OSBPL5: variants seen among roughly 807,000 people sequenced by gnomAD.
OSBPL5 encodes oxysterol binding protein like 5, also known as oxysterol-binding protein-related protein 5.
A neutral mutation model predicts 111.2 loss-of-function variants in OSBPL5; 71 were observed. The ratio of observed to expected loss-of-function variants is 0.64; its 90% CI spans 0.53 to 0.78. The LOEUF (loss-of-function observed/expected upper bound fraction) is 0.78, where lower values mean the gene tolerates loss of function less well. Among genes scored for constraint, OSBPL5 ranks in the 30% least tolerant of loss-of-function variants. OSBPL5 has a pLI of 0.00. For synonymous variants in OSBPL5, 549 were observed against 513.9 expected, an observed-to-expected ratio of 1.07 and a Z score of -0.93; for missense variants, 1,210 against 1,189.3, an observed-to-expected ratio of 1.02 and a Z score of -0.26.
Position 3,092,381 on chromosome 11 carries a change from G to T in OSBPL5, c.2259+51C>A. On this transcript the variant is annotated intron_variant, in intron 19 of 21. Transcript: ENST00000263650. The surrounding 1 kb of genome is among the most constrained non-coding windows in gnomAD (Gnocchi z 5.4). ...AGGTGAGGAGCGAGGGGTGGTGGTG[G>T]CCACACGTGCAGCTAAGACCAGCCC... 6.6e-7 allele frequency: 1 copy of T among 1,515,712 alleles called. No homozygotes were observed. The highest frequency in any genetic ancestry group is 8.9e-7 in the Non-Finnish European group (1 of 1,126,648). The allele number at this position is 1,515,712 out of a possible 1,614,324, so 93.9% of individuals were successfully genotyped here.
At chr11:3,158,014 G>T (rs1475683633) in intron 1 of OSBPL5, among the ~76,000 whole-genome samples, 1 of 152,212 alleles carries the variant, frequency 6.6e-6, no homozygotes, top group Non-Finnish European at 1.5e-5. Flanking sequence ...TGGCTGCCGG[G>T]CTGGGGAGAA....
chr11:3,122,866 C>T (rs553426928), intron 3 of OSBPL5, among the ~76,000 whole-genome samples: 76 of 152,268 alleles, frequency 5.0e-4, no homozygotes, highest in African/African-American at 1.5e-3. Flanking sequence ...AAGAGGAGCT[C>T]GGCGGCGGCC....
chr11:3,114,591 A>ACTT (rs774192603), intron 7 of OSBPL5, among the ~76,000 whole-genome samples: 50,269 of 113,622 alleles, frequency 0.44, 17,377 homozygotes, highest in Admixed American at 0.49. Context: ...TAGAACAATG[A>ACTT]TTTTTTTTTT....
rs1857514780 is a variant in OSBPL5 at position 3,103,114 on chromosome 11, A to AAGCCTTAGAAGGGGG, written c.1326+124_1326+125insCCCCCTTCTAAGGCT. 3 of 775,836 alleles carry AAGCCTTAGAAGGGGG rather than the reference A, an allele frequency of 3.9e-6. No homozygotes were observed. In the Admixed American group the frequency reaches 9.3e-5, roughly 24 times the overall value. 48.1% of individuals were successfully genotyped at this position (775,836 alleles called of 1,614,324 possible). On this transcript the variant is annotated intron_variant, in intron 11 of 21. Coordinates refer to ENST00000263650, the MANE Select transcript of OSBPL5 (RefSeq NM_020896.4). The stretch of plus-strand genomic sequence containing the variant: ...ACCTGGGCCCTCTGTGGGGGTGACC[A>AAGCCTTAGAAGGGGG]GGATCCTTCTAAGCCATGTGGGGTA...
Position 3,141,485 on chromosome 11 carries a change from A to T in OSBPL5, c.-21-12316T>A, listed in dbSNP as rs1846113453. Among the ~76,000 whole-genome samples the T allele has an allele frequency of 6.6e-6, 1 of 152,128 alleles. No individual in the cohort carries two copies. The highest frequency in any genetic ancestry group is 6.6e-5 in the Admixed American group (1 of 15,264). On this transcript the variant is annotated intron_variant, in intron 1 of 21. Transcript: ENST00000263650. The surrounding 1 kb of genome is among the most constrained non-coding windows in gnomAD (Gnocchi z 6.5). ...CTCTCAGGAAATGGGGGGGGTCTCA[A>T]ACAGAAGGACCCCCAATCTGTCTTC...
intron 1 of OSBPL5, among the ~76,000 whole-genome samples, chr11:3,158,668 C>T (rs980033004): frequency 2.0e-5 from 3 of 152,254 alleles, no homozygotes; most frequent in Non-Finnish European, 4.4e-5. Flanking sequence ...TTCTGGGCTG[C>T]ACACAGTGGT....
intron 1 of OSBPL5, among the ~76,000 whole-genome samples, chr11:3,149,601 T>A (rs1846499162): frequency 6.6e-6 from 1 of 152,232 alleles, no homozygotes; most frequent in African/African-American, 2.4e-5. Flanking sequence ...CGCTGCAGCC[T>A]TGCCCAGGCT....
intron 1 of OSBPL5, among the ~76,000 whole-genome samples, chr11:3,143,909 G>A (rs1371826286): frequency 6.6e-6 from 1 of 152,222 alleles, no homozygotes. Context: ...CAGATGCTGT[G>A]GAATCGACAG....
chr11:3,163,679 C>T (rs1481435686), intron 1 of OSBPL5, among the ~76,000 whole-genome samples: 1 of 152,222 alleles, frequency 6.6e-6, no homozygotes, highest in Non-Finnish European at 1.5e-5. Flanking sequence ...TGCAGGGCAG[C>T]CTCTCTGAGA....
At position 3,107,995 on chromosome 11, in the gene OSBPL5, C is replaced by T. The variant is rs372476096; in HGVS notation, c.692-50G>A. On this transcript the variant is annotated intron_variant, in intron 7 of 21. Coordinates refer to ENST00000263650, the MANE Select transcript of OSBPL5 (RefSeq NM_020896.4). The surrounding 1 kb of genome is among the most constrained non-coding windows in gnomAD (Gnocchi z 6.1). ...GCCCCACCCCCACCTCTGTATATCC[C>T]GCATCCCCCAAGGGGCCACCAGGAG... is the stretch of plus-strand genomic sequence containing the variant. 107 of 1,578,804 alleles carry T rather than the reference C, an allele frequency of 6.8e-5. 1 individual carries two copies. The highest frequency in any genetic ancestry group is 8.8e-5 in the Non-Finnish European group (103 of 1,169,642).
Position 3,130,116 on chromosome 11 carries a change from C to T in OSBPL5, c.-21-947G>A, listed in dbSNP as rs778710264. On this transcript the variant is annotated intron_variant, in intron 1 of 21. Transcript: ENST00000263650. This position sits in a 1 kb window ranked among gnomAD's most constrained non-coding sequence, Gnocchi z 4.5. ...CGCCTTTGCAGGCACTTGAAGTTGA[C>T]GGCGCCAGATCCACTGAGGTCTCAG... is the stretch of plus-strand genomic sequence containing the variant. 1.2e-4 allele frequency among the ~76,000 whole-genome samples: 18 copies of T among 152,244 alleles called. No homozygotes were observed. The highest frequency in any genetic ancestry group is 2.4e-4 in the Non-Finnish European group (16 of 68,044).
In OSBPL5 at chr11:3,146,843, G is replaced by A. The variant is rs1211199857; in HGVS notation, c.-21-17674C>T. Among the ~76,000 whole-genome samples, 1 of 152,156 alleles carries A rather than the reference G, an allele frequency of 6.6e-6. No homozygotes were observed. Among genetic ancestry groups the A allele is most frequent in the Non-Finnish European group, 1.5e-5 (1 of 68,016 alleles). ...CTGGCAGCCAGATCCCCTTCGCCGT[G>A]GCTGGAGCTGGCGTTTCTATTTATG... On this transcript the variant is annotated intron_variant, in intron 1 of 21. Transcript: ENST00000263650. The surrounding 1 kb of genome is among the most constrained non-coding windows in gnomAD (Gnocchi z 7.8).
intron 7 of OSBPL5, among the ~76,000 whole-genome samples, chr11:3,112,063 A>ATGTGTGTG (rs1327690572): frequency 3.6e-5 from 1 of 27,696 alleles, no homozygotes; most frequent in African/African-American, 1.1e-4. Flanking sequence ...GTGCATGTGT[A>ATGTGTGTG]TGTGTGTGTG....
chr11:3,103,907 C>T (rs187373468), intron 10 of OSBPL5, among the ~76,000 whole-genome samples: 6 of 127,492 alleles, frequency 4.7e-5, no homozygotes, highest in East Asian at 4.1e-4. Flanking sequence ...TCTGCAGCCC[C>T]CTTCCTGCCT....
intron 1 of OSBPL5, among the ~76,000 whole-genome samples, chr11:3,151,811 C>T (rs545831476): frequency 5.9e-5 from 9 of 152,380 alleles, no homozygotes; most frequent in African/African-American, 1.4e-4. Context: ...GGATGGGCCC[C>T]GTCACTGGGG....
intron 2 of OSBPL5, among the ~76,000 whole-genome samples, 170 bp downstream of exon 2, chr11:3,128,843 C>T (rs958876805): frequency 5.9e-5 from 9 of 152,086 alleles, no homozygotes; most frequent in South Asian, 2.1e-4. Context: ...GCCAAGAAGC[C>T]GTATTACCTG....
At chr11:3,151,590 G>A (rs796781440) in intron 1 of OSBPL5, among the ~76,000 whole-genome samples, 3 of 152,320 alleles carry the variant, frequency 2.0e-5, no homozygotes, top group African/African-American at 7.2e-5. Flanking sequence ...CCAAGGGGTT[G>A]AAGATGAAGC....
intron 3 of OSBPL5, among the ~76,000 whole-genome samples, chr11:3,125,804 CAAA>C (rs57633062): frequency 1.9e-5 from 1 of 52,948 alleles, no homozygotes; most frequent in South Asian, 6.9e-4. Flanking sequence ...GACTCCGTCT[CAAA>C]AAAAAAAAAA....
At chr11:3,148,743 G>C (rs1293773113) in intron 1 of OSBPL5, among the ~76,000 whole-genome samples, 1 of 152,234 alleles carries the variant, frequency 6.6e-6, no homozygotes, top group Non-Finnish European at 1.5e-5. Flanking sequence ...CTTAAAGCAG[G>C]AGAGGAAATT....
Sources: allele counts gnomAD v4.1 joint callset (sites outside exome capture counted in the v4.1 genomes callset), GRCh38; gene constraint gnomAD v4.1.1; non-coding constraint Gnocchi (gnomAD v3.1); transcripts MANE v1.5; gene names NCBI Gene and HGNC (gene_info 2026-07-23, HGNC 2026-07-21).